The following DNAJC24 variants were observed in gnomAD, a reference collection of about 807,000 sequenced individuals.
DNAJC24 encodes dnaJ homolog subfamily C member 24.
A neutral mutation model predicts 18.0 loss-of-function variants in DNAJC24; 17 were observed. The observed-to-expected ratio is 0.94, with a 90% confidence interval of 0.65 to 1.42. The LOEUF is 1.42. DNAJC24 is among the 40% of genes most tolerant of loss of function. The pLI, the probability that DNAJC24 is intolerant of heterozygous loss-of-function variation, is 0.00. For missense variants in DNAJC24, 158 were observed against 175.6 expected (o/e 0.90, Z 0.57); for synonymous variants, 55 against 57.7 (o/e 0.95, Z 0.21).
At chr11:31,397,477 ATTT>A (rs3071550) in intron 2 of DNAJC24, among the ~76,000 whole-genome samples, 56,279 of 144,164 alleles carry the variant, frequency 0.39, 10,928 homozygotes, top group African/African-American at 0.46. Context: ...TACCTTTGTG[ATTT>A]TTTTTTTTTT....
intron 3 of DNAJC24, chr11:31,416,604 A>C (rs1411226602): frequency 6.6e-6 from 1 of 152,084 alleles, no homozygotes; most frequent in Non-Finnish European, 1.5e-5. Flanking sequence ...ATGTTGCTCT[A>C]CATTTTTGCC....
intron 3 of DNAJC24, among the ~76,000 whole-genome samples, chr11:31,421,800 T>C (rs1246540827): frequency 6.6e-6 from 1 of 152,202 alleles, no homozygotes; most frequent in African/African-American, 2.4e-5. Flanking sequence ...GAAATATTTA[T>C]TGATTCCCAA....
At chr11:31,388,646 A>G (rs1232859820) in intron 2 of DNAJC24, among the ~76,000 whole-genome samples, 2 of 152,216 alleles carry the variant, frequency 1.3e-5, no homozygotes, top group African/African-American at 2.4e-5. Context: ...AGAAAAGTAC[A>G]TTAATGAGCA....
intron 3 of DNAJC24, among the ~76,000 whole-genome samples, chr11:31,421,080 A>G (rs1952799328): frequency 6.6e-6 from 1 of 152,124 alleles, no homozygotes; most frequent in Admixed American, 6.6e-5. Flanking sequence ...TTCATCTGGG[A>G]AAGGATTATA....
intron 2 of DNAJC24, among the ~76,000 whole-genome samples, chr11:31,403,264 C>A (rs1453994473): frequency 6.6e-6 from 1 of 152,010 alleles, no homozygotes; most frequent in South Asian, 2.1e-4. Flanking sequence ...CAAACAGTTA[C>A]ATCAAGATTT....
chr11:31,380,019 C>G (rs994163088), intron 2 of DNAJC24, among the ~76,000 whole-genome samples: 3 of 152,164 alleles, frequency 2.0e-5, no homozygotes, highest in African/African-American at 7.2e-5. Flanking sequence ...ATCCACCCGC[C>G]TCAGCCTCCC....
intron 3 of DNAJC24, among the ~76,000 whole-genome samples, chr11:31,417,644 G>T (rs1591919859): frequency 1.3e-5 from 2 of 151,966 alleles, no homozygotes; most frequent in South Asian, 4.2e-4. Context: ...TTTTCATAGG[G>T]GTGTGCTTTA....
chr11:31,418,834 C>A (rs1952776696), intron 3 of DNAJC24, among the ~76,000 whole-genome samples: 1 of 151,972 alleles, frequency 6.6e-6, no homozygotes, highest in South Asian at 2.1e-4. Context: ...ACAATTTGCT[C>A]CATCCCTTTA....
chr11:31,414,755 C>T, intron 2 of DNAJC24, 56 bp from the exon 3 acceptor site: 1 of 1,524,096 alleles, frequency 6.6e-7, no homozygotes, highest in Non-Finnish European at 8.8e-7. Context: ...TTTTTTAAAT[C>T]TAACCCCACT....
intron 2 of DNAJC24, among the ~76,000 whole-genome samples, chr11:31,390,032 A>G (rs1041599566): frequency 6.6e-6 from 1 of 152,232 alleles, no homozygotes. Context: ...GGAAGTTTAT[A>G]GCAATAGGTG....
intron 2 of DNAJC24, among the ~76,000 whole-genome samples, chr11:31,391,915 C>CTATA (rs1952500031): frequency 6.6e-6 from 1 of 151,986 alleles, no homozygotes; most frequent in South Asian, 2.1e-4. Flanking sequence ...TCCTATTCAG[C>CTATA]CATAAAAAGT....
At chr11:31,414,441 T>A (rs1952735914) in intron 2 of DNAJC24, among the ~76,000 whole-genome samples, 1 of 152,232 alleles carries the variant, frequency 6.6e-6, no homozygotes, top group Non-Finnish European at 1.5e-5. Flanking sequence ...GAAAGCTTCA[T>A]ACTCTGCCTA....
intron 2 of DNAJC24, among the ~76,000 whole-genome samples, chr11:31,385,877 C>T (rs1182497877): frequency 6.6e-6 from 1 of 152,176 alleles, no homozygotes; most frequent in Non-Finnish European, 1.5e-5. Flanking sequence ...TAATCACCTA[C>T]ACCATCTCTC....
At chr11:31,397,887 C>T (rs919255201) in intron 2 of DNAJC24, among the ~76,000 whole-genome samples, 3 of 151,602 alleles carry the variant, frequency 2.0e-5, no homozygotes, top group African/African-American at 7.3e-5. Flanking sequence ...ACTGCAACCT[C>T]TGCCTCCTGG....
chr11:31,392,163 T>C (rs536757705), intron 2 of DNAJC24, among the ~76,000 whole-genome samples: 15 of 152,150 alleles, frequency 9.9e-5, no homozygotes, highest in African/African-American at 3.4e-4. Flanking sequence ...TAGAGCTAGA[T>C]AGAATGAGTA....
At chr11:31,399,739 C>CTTTTT (rs757871094) in intron 2 of DNAJC24, among the ~76,000 whole-genome samples, 74 of 97,006 alleles carry the variant, frequency 7.6e-4, no homozygotes, top group East Asian at 1.2e-3. Context: ...ACTGTTTTTT[C>CTTTTT]TTTTTTTTTT....
At chr11:31,390,068 A>G (rs1952473882) in intron 2 of DNAJC24, among the ~76,000 whole-genome samples, 1 of 152,092 alleles carries the variant, frequency 6.6e-6, no homozygotes, top group Admixed American at 6.6e-5. Context: ...GAGAACCAAA[A>G]CCTGAACAGA....
chr11:31,384,540 G>A (rs1952408956), intron 2 of DNAJC24: 1 of 152,186 alleles, frequency 6.6e-6, no homozygotes, highest in Non-Finnish European at 1.5e-5. Context: ...CTGTTCATTT[G>A]GCCTCTCTAT....
rs547028769 is a variant in DNAJC24, at chr11:31,394,548, A to G, written c.112-20263A>G. Among the ~76,000 whole-genome samples the G allele has an allele frequency of 5.9e-5, 9 of 152,194 alleles. No individual in the cohort carries two copies. In the East Asian group the frequency reaches 1.2e-3, roughly 20 times the overall value. On this transcript the variant is annotated intron_variant, in intron 2 of 4. Transcript: ENST00000465995. The stretch of plus-strand genomic sequence containing the variant: ...TTTTTTTTCATAATGCAGATGTTTG[A>G]TATTTATAAAATAAAAACCCAAAAT...
Sources: gnomAD v4.1 joint callset for allele counts (sites outside exome capture counted in the v4.1 genomes callset) on GRCh38, gnomAD v4.1.1 for gene constraint, MANE v1.5 for transcripts, NCBI Gene and HGNC (gene_info 2026-07-23, HGNC 2026-07-21) for gene names.